Variants in PPP2R2B observed in about 807,000 individuals in gnomAD.
PPP2R2B encodes protein phosphatase 2 regulatory subunit Bbeta.
Under a neutral mutation model 46.0 loss-of-function variants are expected in PPP2R2B, and 5 were observed. That is an observed-to-expected ratio of 0.11 (90% confidence interval 0.06 to 0.23). The LOEUF is 0.23. Ranked by LOEUF, PPP2R2B falls within the 10% of genes least tolerant of loss-of-function variation. The pLI is 1.00. For missense variants in PPP2R2B, 367 were observed against 575.0 expected (o/e 0.64, Z 3.70); for synonymous variants, 215 against 206.7 (o/e 1.04, Z -0.34).
intron 1 of PPP2R2B, among the ~76,000 whole-genome samples, chr5:146,934,901 A>G (rs1050991261): frequency 1.3e-5 from 2 of 152,122 alleles, no homozygotes; most frequent in African/African-American, 4.8e-5. Context: ...GATGGAGAAG[A>G]TAGAATTTGC....
intron 2 of PPP2R2B, among the ~76,000 whole-genome samples, chr5:146,703,631 C>A (rs1396778225): frequency 2.0e-5 from 3 of 152,150 alleles, no homozygotes; most frequent in African/African-American, 7.2e-5. Context: ...CACTTGCTTT[C>A]CCAGGGGATG....
intron 2 of PPP2R2B, among the ~76,000 whole-genome samples, chr5:146,871,942 A>G (rs1761637933): frequency 6.6e-6 from 1 of 152,232 alleles, no homozygotes; most frequent in Non-Finnish European, 1.5e-5. Context: ...ATGAGTAAAC[A>G]TAAGAAATAC....
intron 2 of PPP2R2B, among the ~76,000 whole-genome samples, chr5:146,830,024 G>C (rs1215052996): frequency 6.6e-6 from 1 of 152,174 alleles, no homozygotes; most frequent in Non-Finnish European, 1.5e-5. Context: ...TGAGGATTAT[G>C]TAAGATATTC....
Position 147,035,125 on chromosome 5 carries a change from G to T in PPP2R2B, c.79+20540C>A, listed in dbSNP as rs1372211212. Reference sequence around the variant, plus strand: ...TCACACAGCTATTGTATAAATAACTGCCTGAGACTGGGTAAATTATAAAGA... The same window carrying T: ...TCACACAGCTATTGTATAAATAACTTCCTGAGACTGGGTAAATTATAAAGA... On this transcript the variant is annotated intron_variant, in intron 1 of 8. Transcript: ENST00000336640. The T allele has an allele frequency of 6.6e-6, 3 of 455,870 alleles. No homozygotes were observed. In the East Asian group the frequency reaches 2.1e-4, roughly 32 times the overall value. 28.2% of individuals were successfully genotyped at this position (455,870 alleles called of 1,614,324 possible).
rs564001978 is a variant in PPP2R2B at position 146,584,412 on chromosome 5, C to T, written c.*5535G>A. 1.3e-5 allele frequency: 2 copies of T among 152,304 alleles called. No individual in the cohort carries two copies. Among genetic ancestry groups the T allele is most frequent in the African/African-American group, 4.8e-5 (2 of 41,552 alleles). 9.4% of individuals were successfully genotyped at this position (152,304 alleles called of 1,614,324 possible). ...GGTCAGCTGTCAGGCAATATTTAGT[C>T]ACAGAGAAATGGCGTGTTTGTGAGT... On this transcript the variant is annotated 3_prime_UTR_variant, in exon 10 of 10. Coordinates refer to ENST00000394411, the MANE Select transcript of PPP2R2B (RefSeq NM_181675.4).
intron 1 of PPP2R2B, among the ~76,000 whole-genome samples, chr5:147,038,080 T>C (rs1756124993): frequency 6.6e-6 from 1 of 152,196 alleles, no homozygotes. Flanking sequence ...ACCAAGGTTC[T>C]TTGACCCATT....
At chr5:147,038,074 A>C (rs372799154) in intron 1 of PPP2R2B, among the ~76,000 whole-genome samples, 1 of 152,196 alleles carries the variant, frequency 6.6e-6, no homozygotes. Context: ...TTTAGAACCA[A>C]GGTTCTTTGA....
intron 5 of PPP2R2B, among the ~76,000 whole-genome samples, chr5:146,674,955 ATATTAT>A (rs1777608551): frequency 6.6e-6 from 1 of 151,966 alleles, no homozygotes; most frequent in African/African-American, 2.4e-5. Context: ...TGGTGGTATT[ATATTAT>A]TATTATTGTT....
At chr5:146,849,789 T>C (rs1022974835) in intron 2 of PPP2R2B, among the ~76,000 whole-genome samples, 2 of 152,206 alleles carry the variant, frequency 1.3e-5, no homozygotes, top group African/African-American at 4.8e-5. Flanking sequence ...GCAATTTACA[T>C]TTATTAAAAT....
chr5:146,719,073 T>G (rs1780648734), intron 2 of PPP2R2B, among the ~76,000 whole-genome samples: 1 of 152,240 alleles, frequency 6.6e-6, no homozygotes, highest in South Asian at 2.1e-4. Flanking sequence ...ACCTTCTATG[T>G]GCCTGACCTA....
chr5:146,700,914 G>T, intron 3 of PPP2R2B, 131 bp downstream of exon 3: 1 of 779,960 alleles, frequency 1.3e-6, no homozygotes, highest in South Asian at 1.6e-5. Flanking sequence ...TGATGTTAAT[G>T]ACTTTTTTGG....
At chr5:146,980,714 A>G (rs185645542) in intron 1 of PPP2R2B, among the ~76,000 whole-genome samples, 3 of 152,122 alleles carry the variant, frequency 2.0e-5, no homozygotes, top group Non-Finnish European at 4.4e-5. Context: ...GATTTACAGT[A>G]TCTTTTGCAT....
At chr5:146,824,068 G>A (rs1758427139) in intron 2 of PPP2R2B, among the ~76,000 whole-genome samples, 2 of 152,138 alleles carry the variant, frequency 1.3e-5, no homozygotes, top group Non-Finnish European at 2.9e-5. Flanking sequence ...CTTATAAGCA[G>A]CTAAGCCACA....
At chr5:146,890,060 G>A (rs974995250) in intron 1 of PPP2R2B, among the ~76,000 whole-genome samples, 1 of 152,112 alleles carries the variant, frequency 6.6e-6, no homozygotes, top group African/African-American at 2.4e-5. Flanking sequence ...CTTAACTTTT[G>A]TTTTGCGTCA....
intron 1 of PPP2R2B, among the ~76,000 whole-genome samples, chr5:147,040,386 C>A (rs1270967399): frequency 6.6e-6 from 1 of 151,986 alleles, no homozygotes; most frequent in East Asian, 1.9e-4. Context: ...AAGTTTAAAA[C>A]AATTTCCAAA....
At chr5:146,754,148 A>T (rs960369473) in intron 2 of PPP2R2B, among the ~76,000 whole-genome samples, 15 of 152,210 alleles carry the variant, frequency 9.9e-5, no homozygotes, top group Non-Finnish European at 2.1e-4. Context: ...ATTGGAAATT[A>T]CAACAGCCGT....
chr5:146,889,215 G>C (rs1313423616), intron 1 of PPP2R2B, among the ~76,000 whole-genome samples: 1 of 152,180 alleles, frequency 6.6e-6, no homozygotes, highest in Non-Finnish European at 1.5e-5. Flanking sequence ...GTTTACCCTT[G>C]CCTGAAGAGA....
intron 2 of PPP2R2B, among the ~76,000 whole-genome samples, chr5:146,795,598 T>C (rs1756480972): frequency 6.6e-6 from 1 of 152,178 alleles, no homozygotes; most frequent in Non-Finnish European, 1.5e-5. Flanking sequence ...GTGACTACAG[T>C]TAGTAATGTG....
In PPP2R2B at chr5:147,077,192, A is replaced by G. The variant is rs1238838658; in HGVS notation, c.50+3867T>C. On this transcript the variant is annotated intron_variant, in intron 2 of 10. Coordinates refer to the PPP2R2B transcript ENST00000394413. ...TTATATATGTATAATATTGTATATT[A>G]TATATTATATATGTACAATATACAC... Among the ~76,000 whole-genome samples the G allele has an allele frequency of 2.0e-5, 3 of 147,416 alleles. No individual in the cohort carries two copies. The East Asian group carries it at 5.9e-4, about 29-fold the overall frequency.
Sources: allele counts gnomAD v4.1 joint callset (sites outside exome capture counted in the v4.1 genomes callset), GRCh38; gene constraint gnomAD v4.1.1; transcripts MANE v1.5; gene names NCBI Gene and HGNC (gene_info 2026-07-23, HGNC 2026-07-21).